PTPRA: variants seen among roughly 807,000 people sequenced by gnomAD.
PTPRA encodes the protein protein tyrosine phosphatase receptor type A.
In PTPRA, 25 loss-of-function variants were observed where a neutral mutation model predicts 104.8. The ratio of observed to expected loss-of-function variants is 0.24; its 90% CI spans 0.17 to 0.33. The LOEUF (loss-of-function observed/expected upper bound fraction) is 0.33, where lower values mean the gene tolerates loss of function less well. PTPRA is among the 10% of genes least tolerant of loss of function. The pLI, the probability that PTPRA is intolerant of heterozygous loss-of-function variation, is 1.00. For missense variants in PTPRA, 765 were observed against 1,015.3 expected, an observed-to-expected ratio of 0.75 and a Z score of 3.35; for synonymous variants, 323 against 368.9, an observed-to-expected ratio of 0.88 and a Z score of 1.43.
At chr20:2,959,780 ATGTCTAC>A (rs1267742517) in intron 3 of PTPRA, among the ~76,000 whole-genome samples, 1 of 152,040 alleles carries the variant, frequency 6.6e-6, no homozygotes, top group East Asian at 1.9e-4. Context: ...ATGAAACCCC[ATGTCTAC>A]TAACAATACA....
intron 2 of PTPRA, among the ~76,000 whole-genome samples, chr20:2,933,969 AT>A (rs2147543922): frequency 6.6e-6 from 1 of 152,318 alleles, no homozygotes; most frequent in Non-Finnish European, 1.5e-5. Context: ...TTTATAGTTT[AT>A]TGGTACTTAT....
chr20:2,866,207 C>G, the PTPRA span: 1 of 1,614,036 alleles, frequency 6.2e-7, no homozygotes, highest in Non-Finnish European at 8.5e-7. Context: ...TTCCTCTCCT[C>G]CAAGCCTTTT....
Position 2,910,012 on chromosome 20 carries a change from ATATATAATC to A in PTPRA, c.-128-13191_-128-13183del, listed in dbSNP as rs2059599542. Among the ~76,000 whole-genome samples the A allele has an allele frequency of 3.4e-4, 6 of 17,818 alleles. No individual in the cohort carries two copies. The African/African-American group carries it at 3.9e-3, about 11-fold the overall frequency. The allele number at this position is 17,818 out of a possible 152,430, so 11.7% of individuals were successfully genotyped here. A position where few individuals can be genotyped will look rare whatever the true frequency, so the allele number is the denominator to read the frequency against. ...TCATATATATAATCTATCATATATC[ATATATAATC>A]TATCATATATCATATCATATATAAT... On this transcript the variant is annotated intron_variant, in intron 1 of 23. Transcript: ENST00000399903.
intron 2 of PTPRA, among the ~76,000 whole-genome samples, chr20:2,935,985 C>T (rs935350912): frequency 6.6e-6 from 1 of 151,596 alleles, no homozygotes; most frequent in African/African-American, 2.4e-5. Flanking sequence ...CGCCATTGCA[C>T]TCCAGCCTGG....
At chr20:2,963,635 C>T (rs1263059597) in intron 3 of PTPRA, among the ~76,000 whole-genome samples, 1 of 152,040 alleles carries the variant, frequency 6.6e-6, no homozygotes, top group Non-Finnish European at 1.5e-5. Flanking sequence ...CTTATTTTTA[C>T]AGGTTGGATA....
chr20:2,998,292 G>A (rs1254852952), intron 9 of PTPRA, among the ~76,000 whole-genome samples: 1 of 151,974 alleles, frequency 6.6e-6, no homozygotes. Flanking sequence ...TGTGAGATGT[G>A]ACCTTCCTCA....
rs2062385969 is a variant in PTPRA at position 2,975,300 on chromosome 20, T to C, written c.442+59T>C. The C allele has an allele frequency of 5.2e-5, 75 of 1,429,290 alleles. No homozygotes were observed. In the South Asian group the frequency reaches 9.5e-4, roughly 18 times the overall value. The allele number at this position is 1,429,290 out of a possible 1,614,324, so 88.5% of individuals were successfully genotyped here. On this transcript the variant is annotated intron_variant, in intron 6 of 23. Coordinates refer to ENST00000399903, the MANE Select transcript of PTPRA (RefSeq NM_001385305.1). ...TACACAGTGTACAGTATTCATTTAT[T>C]TCCTCTGCTCACAGTCTGTGGTAAC...
At chr20:2,948,876 C>T (rs535541952) in intron 3 of PTPRA, among the ~76,000 whole-genome samples, 31 of 152,020 alleles carry the variant, frequency 2.0e-4, no homozygotes, top group South Asian at 1.0e-3. Flanking sequence ...GGCGTGAACC[C>T]GGGAGGCGGA....
intron 6 of PTPRA, among the ~76,000 whole-genome samples, chr20:2,981,484 A>G (rs548363987): frequency 5.9e-5 from 9 of 152,328 alleles, no homozygotes; most frequent in African/African-American, 2.2e-4. Context: ...GAGGCTAGGG[A>G]TATTGTTAAA....
chr20:2,916,099 G>A (rs1411104318), intron 1 of PTPRA, among the ~76,000 whole-genome samples: 1 of 152,142 alleles, frequency 6.6e-6, no homozygotes, highest in Admixed American at 6.5e-5. Context: ...GAGTGCAGTA[G>A]AGCAGTCTTG....
At chr20:2,974,308 G>A (rs1418768156) in intron 5 of PTPRA, among the ~76,000 whole-genome samples, 1 of 151,950 alleles carries the variant, frequency 6.6e-6, no homozygotes, top group Non-Finnish European at 1.5e-5. Context: ...GGAGTACAGT[G>A]GTGTGATCTT....
chr20:2,928,388 G>A (rs780567244), intron 2 of PTPRA, among the ~76,000 whole-genome samples: 2 of 152,084 alleles, frequency 1.3e-5, no homozygotes, highest in South Asian at 2.1e-4. Flanking sequence ...GATTACAGGC[G>A]TGAGCCACCG....
chr20:2,971,935 A>G (rs1417907444), intron 5 of PTPRA, among the ~76,000 whole-genome samples: 1 of 152,164 alleles, frequency 6.6e-6, no homozygotes, highest in African/African-American at 2.4e-5. Flanking sequence ...CGCGGGTTCA[A>G]GTGATTCCCC....
chr20:2,872,044 G>A (rs1290986036), upstream of PTPRA, among the ~76,000 whole-genome samples: 1 of 152,190 alleles, frequency 6.6e-6, no homozygotes, highest in Non-Finnish European at 1.5e-5. The surrounding 1 kb of genome is among the most constrained non-coding windows in gnomAD (Gnocchi z 7.9). Flanking sequence ...ACGGAGGAGT[G>A]GGGCACAGAG....
At chr20:2,987,961 G>A in intron 7 of PTPRA, 71 bp from the exon 8 acceptor site, 2 of 1,331,578 alleles carry the variant, frequency 1.5e-6, no homozygotes, top group Non-Finnish European at 2.2e-6. Context: ...TTGATGAGCA[G>A]GAATACAGAG....
intron 2 of PTPRA, among the ~76,000 whole-genome samples, chr20:2,926,769 C>CTTTTTTTTTTTTTTTTTTTTTTTTTTCT (rs777386962): frequency 2.4e-5 from 2 of 85,020 alleles, no homozygotes; most frequent in African/African-American, 9.7e-5. Context: ...TTTCCTTTTC[C>CTTTTTTTTTTTTTTTTTTTTTTTTTTCT]TTTTTTTTTT....
At chr20:2,870,966 C>T (rs1048298184), upstream of PTPRA, among the ~76,000 whole-genome samples, 24 of 152,068 alleles carry the variant, frequency 1.6e-4, no homozygotes, top group African/African-American at 5.3e-4. Context: ...TGATGATGGG[C>T]GAGGGAGCTC....
In PTPRA at chr20:2,915,072, ATTC is replaced by A. The variant is rs751103048; in HGVS notation, c.-128-8126_-128-8124del. Among the ~76,000 whole-genome samples the A allele has an allele frequency of 3.7e-3, 561 of 150,058 alleles. 4 individuals are homozygous for A. Among genetic ancestry groups the A allele is most frequent in the African/African-American group, 0.012 (503 of 41,074 alleles). ...TGTTTATAGCATGTATCAGTACTTC[ATTC>A]TTCTTCTTTTTTTTTTTTAAAGAGT... On this transcript the variant is annotated intron_variant, in intron 1 of 23. Coordinates refer to ENST00000399903, the MANE Select transcript of PTPRA (RefSeq NM_001385305.1).
chr20:2,909,223 AGGTT>A (rs1451054742), intron 1 of PTPRA, among the ~76,000 whole-genome samples: 2 of 152,190 alleles, frequency 1.3e-5, no homozygotes, highest in African/African-American at 2.4e-5. Context: ...TGGGAGGTCG[AGGTT>A]GCAGTTAGCT....
Sources: gnomAD v4.1 joint callset for allele counts (sites outside exome capture counted in the v4.1 genomes callset) on GRCh38, gnomAD v4.1.1 for gene constraint, Gnocchi (gnomAD v3.1) non-coding constraint, MANE v1.5 for transcripts, NCBI Gene and HGNC (gene_info 2026-07-23, HGNC 2026-07-21) for gene names.